The following DOCK4 variants were observed in gnomAD, a reference collection of about 807,000 sequenced individuals.
DOCK4 encodes dedicator of cytokinesis protein 4.
A neutral mutation model predicts 268.1 loss-of-function variants in DOCK4; 97 were observed. The observed-to-expected ratio is 0.36, with a 90% CI of 0.31 to 0.43. The LOEUF (loss-of-function observed/expected upper bound fraction) is 0.43. Among genes scored for constraint, DOCK4 ranks in the 20% least tolerant of loss-of-function variants. The pLI is 1.00. For missense variants in DOCK4, 2,145 were observed against 2,455.7 expected (o/e 0.87, Z 2.67); for synonymous variants, 954 against 887.2 (o/e 1.08, Z -1.34).
chr7:111,737,339 T>A (rs2133405284), intron 49 of DOCK4, among the ~76,000 whole-genome samples: 1 of 152,304 alleles, frequency 6.6e-6, no homozygotes, highest in South Asian at 2.1e-4. Flanking sequence ...TTGCCCAGGC[T>A]GGTCTTGAAT....
In DOCK4 at chr7:111,767,115, A is replaced by G; in HGVS notation, c.3832T>C (p.Trp1278Arg). ...IIQNFDRGKC[W>R]ENGIILCRKI... The stretch of plus-strand genomic sequence containing the variant: ...CGGCACAAGATAATGCCATTCTCCC[A>G]ACACTGTGGACAAATGAATGAGATC... The change falls in exon 38 of 53, where the codon TGG becomes CGG. Residue 1278 changes from tryptophan to arginine, a missense_variant. Trp to Arg is a moderately radical substitution (Grantham distance 101, BLOSUM62 -3). Transcript: ENST00000428084. 1 of 1,613,222 alleles carries G rather than the reference A, an allele frequency of 6.2e-7. No homozygotes were observed. Among genetic ancestry groups the G allele is most frequent in the South Asian group, 1.1e-5 (1 of 91,070 alleles).
At chr7:112,018,340 T>C (rs1210525845) in intron 1 of DOCK4, among the ~76,000 whole-genome samples, 1 of 152,060 alleles carries the variant, frequency 6.6e-6, no homozygotes, top group Non-Finnish European at 1.5e-5. Flanking sequence ...TTGTTTATCA[T>C]AGAGATTTTA....
chr7:112,183,511 C>G (rs913758596), intron 1 of DOCK4, among the ~76,000 whole-genome samples: 3 of 152,158 alleles, frequency 2.0e-5, no homozygotes, highest in African/African-American at 7.2e-5. Context: ...TGTCACCTCA[C>G]GGGATTATGT....
intron 28 of DOCK4, among the ~76,000 whole-genome samples, chr7:111,810,807 G>A (rs919263704): frequency 6.6e-6 from 1 of 152,030 alleles, no homozygotes. Flanking sequence ...GGCCAGCCTG[G>A]CGAACATGGC....
At position 112,195,788 on chromosome 7, in the gene DOCK4, G is replaced by A. The variant is rs10254579; in HGVS notation, c.37+10314C>T. Among the ~76,000 whole-genome samples, 849 of 152,176 alleles carry A rather than the reference G, an allele frequency of 5.6e-3. 5 individuals are homozygous for A. Among genetic ancestry groups the A allele is most frequent in the African/African-American group, 0.02 (810 of 41,512 alleles). On this transcript the variant is annotated intron_variant, in intron 1 of 52. Coordinates refer to ENST00000428084, the MANE Select transcript of DOCK4 (RefSeq NM_001363540.2). ...ATTTTTGGTTAATGTCCAATTGATA[G>A]TCTAATAAACAGCAAATTTCTTGGT...
At chr7:112,083,124 T>C (rs1808750478) in intron 1 of DOCK4, among the ~76,000 whole-genome samples, 1 of 152,110 alleles carries the variant, frequency 6.6e-6, no homozygotes, top group African/African-American at 2.4e-5. Context: ...TTATAAATAA[T>C]CCCTTTATCC....
intron 16 of DOCK4, among the ~76,000 whole-genome samples, chr7:111,878,217 T>C (rs1313566786): frequency 6.6e-6 from 1 of 152,176 alleles, no homozygotes; most frequent in Admixed American, 6.5e-5. Context: ...ACTTAAGAAA[T>C]AGATAGCCAG....
intron 1 of DOCK4, among the ~76,000 whole-genome samples, chr7:112,038,625 A>C (rs570113550): frequency 1.3e-5 from 2 of 152,262 alleles, no homozygotes; most frequent in South Asian, 4.1e-4. Context: ...CAGGCTACCC[A>C]CTCAGTGTCA....
intron 31 of DOCK4, 53 bp downstream of exon 31, chr7:111,790,404 G>A: frequency 1.9e-6 from 3 of 1,584,754 alleles, no homozygotes; most frequent in Non-Finnish European, 2.6e-6. Context: ...GTTCACAGAT[G>A]CTTCAGGAGA....
Position 111,767,128 on chromosome 7 carries a change from A to C in DOCK4, c.3829-10T>G. The C allele has an allele frequency of 6.2e-7, 1 of 1,610,078 alleles. No homozygotes were observed. The highest frequency in any genetic ancestry group is 8.5e-7 in the Non-Finnish European group (1 of 1,176,892). On this transcript the variant is annotated splice_polypyrimidine_tract_variant and intron_variant, in intron 37 of 52. Transcript: ENST00000428084. ...TGCCATTCTCCCAACACTGTGGACA[A>C]ATGAATGAGATCAATGGAACCATCT...
chr7:111,961,546 C>A (rs1013920920), intron 8 of DOCK4, among the ~76,000 whole-genome samples: 1 of 152,206 alleles, frequency 6.6e-6, no homozygotes, highest in African/African-American at 2.4e-5. Flanking sequence ...GAAGGTGGCA[C>A]TGATTTTGCC....
chr7:111,769,382 T>A (rs1237800969), intron 37 of DOCK4, 147 bp downstream of exon 37: 1 of 1,016,836 alleles, frequency 9.8e-7, no homozygotes, highest in African/African-American at 1.6e-5. Flanking sequence ...ATCTGCATTT[T>A]AACAAGCTTT....
At chr7:112,061,461 A>G (rs1806381761) in intron 1 of DOCK4, among the ~76,000 whole-genome samples, 1 of 152,136 alleles carries the variant, frequency 6.6e-6, no homozygotes, top group Non-Finnish European at 1.5e-5. Flanking sequence ...GATGCCCAGG[A>G]GCAAGATACA....
intron 7 of DOCK4, among the ~76,000 whole-genome samples, chr7:111,978,187 C>T (rs897942963): frequency 6.6e-6 from 1 of 152,172 alleles, no homozygotes; most frequent in Non-Finnish European, 1.5e-5. Context: ...CACACATACA[C>T]ATGTAAAACT....
chr7:111,760,652 T>C (rs1288818643), intron 39 of DOCK4, among the ~76,000 whole-genome samples: 1 of 152,178 alleles, frequency 6.6e-6, no homozygotes, highest in African/African-American at 2.4e-5. Flanking sequence ...TAAGCACATG[T>C]GTAAAGATTA....
chr7:112,093,872 T>C (rs1485792311), intron 1 of DOCK4, among the ~76,000 whole-genome samples: 2 of 129,912 alleles, frequency 1.5e-5, no homozygotes, highest in African/African-American at 3.0e-5. Context: ...CTCTCTGACA[T>C]ATAAGGAAAA....
chr7:111,896,506 T>TC (rs1188318937), intron 15 of DOCK4, among the ~76,000 whole-genome samples: 3 of 150,968 alleles, frequency 2.0e-5, no homozygotes, highest in African/African-American at 7.3e-5. Flanking sequence ...TTTTTTTTTT[T>TC]CCTCCAAAAA....
At chr7:111,876,047 A>T (rs1440071478) in intron 17 of DOCK4, among the ~76,000 whole-genome samples, 1 of 152,210 alleles carries the variant, frequency 6.6e-6, no homozygotes, top group Admixed American at 6.5e-5. Context: ...CATAACTTCT[A>T]TGGGGGTAAA....
At chr7:111,779,173 T>C (rs944478398) in intron 35 of DOCK4, among the ~76,000 whole-genome samples, 11 of 151,744 alleles carry the variant, frequency 7.2e-5, no homozygotes, top group Non-Finnish European at 1.5e-4. Context: ...ATAAAAAGGC[T>C]CTTTATTTTT....
Sources: allele counts gnomAD v4.1 joint callset (sites outside exome capture counted in the v4.1 genomes callset), GRCh38; gene constraint gnomAD v4.1.1; transcripts MANE v1.5; gene names NCBI Gene and HGNC (gene_info 2026-07-23, HGNC 2026-07-21).